The following TMEM98 variants were observed in gnomAD, a reference collection of about 807,000 sequenced individuals.
The protein encoded by TMEM98 is transmembrane protein 98.
Under a neutral mutation model 25.0 loss-of-function variants are expected in TMEM98, and 18 were observed. That is an observed-to-expected ratio of 0.72 (90% CI 0.50 to 1.07). TMEM98 has a LOEUF of 1.07. TMEM98 is among the 50% of genes least tolerant of loss of function. TMEM98 has a pLI of 0.00. For synonymous variants in TMEM98, 103 were observed against 112.4 expected (o/e 0.92, Z 0.53); for missense variants, 241 against 289.0 (o/e 0.83, Z 1.20).
chr17:32,939,427 A>AGT, intron 6 of TMEM98, 50 bp from the exon 7 acceptor site: 1 of 1,170,804 alleles, frequency 8.5e-7, no homozygotes, highest in Admixed American at 2.4e-5. Flanking sequence ...AAAAAAGGAG[A>AGT]AAAGGAGATC....
chr17:32,929,836 C>G (rs1017155110), intron 1 of TMEM98, among the ~76,000 whole-genome samples: 1 of 152,126 alleles, frequency 6.6e-6, no homozygotes, highest in African/African-American at 2.4e-5. Flanking sequence ...GTGTCAGTTC[C>G]CAGAAAGTGT....
rs751173055 is a variant in TMEM98 at position 32,933,280 on chromosome 17, A to T, written c.238A>T (p.Asn80Tyr). Residue 80 changes from asparagine (N) to tyrosine (Y), a missense_variant, in exon 4 of 8, where the codon AAT becomes TAT. By Grantham distance (143) the Asn-to-Tyr change is moderately radical (BLOSUM62 -2). Transcript: ENST00000579849. ...TNPHIEAILE[N>Y]EDWIEDASGL... ...CCCCCACATTGAGGCCATTCTGGAG[A>T]ATGAAGACTGGATCGAAGATGCCTC... is the stretch of plus-strand genomic sequence containing the variant. 3.1e-6 allele frequency: 5 copies of T among 1,614,140 alleles called. No homozygotes were observed. The highest frequency in any genetic ancestry group is 8.5e-7 in the Non-Finnish European group (1 of 1,180,020).
At chr17:32,939,353 G>C in intron 6 of TMEM98, 124 bp from the exon 7 acceptor site, 3 of 929,464 alleles carry the variant, frequency 3.2e-6, no homozygotes, top group Non-Finnish European at 4.9e-6. Context: ...GTTGCAGTGA[G>C]CTGAGATAGC....
At chr17:32,934,263 C>T in intron 4 of TMEM98, 28 bp from the exon 5 acceptor site, 1 of 1,613,932 alleles carries the variant, frequency 6.2e-7, no homozygotes, top group Non-Finnish European at 8.5e-7. Flanking sequence ...TCCAGATGAG[C>T]ACTGATGACT....
At position 32,943,407 on chromosome 17, in the gene TMEM98, C is replaced by G. The variant is rs1225262778; in HGVS notation, c.*2414C>G. The G allele has an allele frequency of 6.6e-6, 1 of 152,196 alleles. No individual in the cohort carries two copies. The highest frequency in any genetic ancestry group is 1.5e-5 in the Non-Finnish European group (1 of 68,066). The allele number at this position is 152,196 out of a possible 1,614,324, so 9.4% of individuals were successfully genotyped here. A position where few individuals can be genotyped will look rare whatever the true frequency, so the allele number is the denominator to read the frequency against. On this transcript the variant is annotated 3_prime_UTR_variant, in exon 8 of 8. Coordinates refer to ENST00000579849, the MANE Select transcript of TMEM98 (RefSeq NM_015544.3). ...TGAGTGCCAGGGATCTCAGGACTGT[C>G]TCTGTGCCAGGTGTGGTTTCCCAGG...
intron 6 of TMEM98, among the ~76,000 whole-genome samples, chr17:32,937,315 A>G (rs919638318): frequency 6.6e-6 from 1 of 152,192 alleles, no homozygotes; most frequent in Non-Finnish European, 1.5e-5. Context: ...TCTCTGCCTC[A>G]AGATTAACCA....
At position 32,931,636 on chromosome 17, in the gene TMEM98, C is replaced by G; in HGVS notation, c.108C>G (p.Asp36Glu). 1 of 1,605,752 alleles carries G rather than the reference C, an allele frequency of 6.2e-7. No individual in the cohort carries two copies. The change falls in exon 3 of 8, where the codon GAC (aspartate) becomes GAG (glutamate). Residue 36 changes from aspartate (D) to glutamate (E), a missense_variant. By Grantham distance (45) the Asp-to-Glu change is conservative. Coordinates refer to ENST00000579849, the MANE Select transcript of TMEM98 (RefSeq NM_015544.3). ...GGCAGCGCTACTGCCGGCCGCGAGA[C>G]CTGCTGCAGCGCTATGATTCTAAGT... ...VCRQRYCRPR[D>E]LLQRYDSKPI...
chr17:32,929,518 A>G (rs544782881), intron 1 of TMEM98, among the ~76,000 whole-genome samples: 7 of 152,256 alleles, frequency 4.6e-5, no homozygotes, highest in East Asian at 3.9e-4. Flanking sequence ...CAGAAAACAC[A>G]AAGGCCAAAA....
At position 32,941,949 on chromosome 17, in the gene TMEM98, G is replaced by A. The variant is rs899181506; in HGVS notation, c.*956G>A. 8 of 152,278 alleles carry A rather than the reference G, an allele frequency of 5.3e-5. 1 individual carries two copies. Among genetic ancestry groups the A allele is most frequent in the Admixed American group, 5.2e-4 (8 of 15,286 alleles). 9.4% of individuals were successfully genotyped at this position (152,278 alleles called of 1,614,324 possible). ...TGCGGCTGCTTGGTAGGCTGAGGTGGGAGGATCGCTTGAGCCCAGGAGGTG... is the reference window on the plus strand; with the variant it reads ...TGCGGCTGCTTGGTAGGCTGAGGTGAGAGGATCGCTTGAGCCCAGGAGGTG... On this transcript the variant is annotated 3_prime_UTR_variant, in exon 8 of 8. Transcript: ENST00000579849.
intron 6 of TMEM98, 99 bp downstream of exon 6, chr17:32,936,546 G>C: frequency 1.0e-6 from 1 of 977,926 alleles, no homozygotes; most frequent in East Asian, 2.4e-5. Flanking sequence ...ATAAAATGGT[G>C]CACAGGCAAC....
Position 32,934,381 on chromosome 17 carries a change from G to A in TMEM98, c.297+57G>A, listed in dbSNP as rs185264332. The A allele has an allele frequency of 2.3e-5, 37 of 1,593,014 alleles. No homozygotes were observed. In the South Asian group the frequency reaches 2.9e-4, roughly 12 times the overall value. ...GGGTAGTCGAAAAGCACCACTGTGC[G>A]TGGATGGAGTAGAACGGGACCTTAG... is the stretch of plus-strand genomic sequence containing the variant. On this transcript the variant is annotated intron_variant, in intron 5 of 7. Coordinates refer to ENST00000579849, the MANE Select transcript of TMEM98 (RefSeq NM_015544.3).
At chr17:32,939,600 T>C in intron 7 of TMEM98, 64 bp downstream of exon 7, 2 of 1,596,732 alleles carry the variant, frequency 1.3e-6, no homozygotes, top group Admixed American at 3.3e-5. Flanking sequence ...TTTTATCAGA[T>C]CTGTGAGGCT....
Position 32,939,478 on chromosome 17 carries a change from G to T in TMEM98, c.415G>T (p.Val139Leu), listed in dbSNP as rs758327656. Residue 139 changes from valine (V) to leucine (L), a missense_variant and splice_region_variant, in exon 7 of 8, where the codon GTG becomes TTG. Val to Leu is a conservative substitution (Grantham distance 32, BLOSUM62 1). Transcript: ENST00000579849. ...IVVAKRISPR[V>L]DDVVKSMYPP... is the part of the protein sequence containing the mutation. ...TGAACACCTTTTGCCTCCGGTCAGG[G>T]TGGATGATGTTGTGAAGTCGATGTA... 6.2e-7 allele frequency: 1 copy of T among 1,613,752 alleles called. No homozygotes were observed. The highest frequency in any genetic ancestry group is 1.3e-5 in the African/African-American group (1 of 74,850).
At position 32,931,396 on chromosome 17, in the gene TMEM98, C is replaced by A; in HGVS notation, c.-61C>A. On this transcript the variant is annotated 5_prime_UTR_variant, in exon 2 of 8. Transcript: ENST00000579849. Reference sequence around the variant, plus strand: ...CATCCTCTTCCCCAATTTGCCACTTCCAGCAGGTAAGACCCACCTGTCCCA... The same window carrying A: ...CATCCTCTTCCCCAATTTGCCACTTACAGCAGGTAAGACCCACCTGTCCCA... 1.5e-6 allele frequency: 2 copies of A among 1,297,604 alleles called. No homozygotes were observed. The highest frequency in any genetic ancestry group is 2.6e-5 in the East Asian group (1 of 38,454). The allele number at this position is 1,297,604 out of a possible 1,614,324, so 80.4% of individuals were successfully genotyped here.
At position 32,942,123 on chromosome 17, in the gene TMEM98, C is replaced by G. The variant is rs2091534256; in HGVS notation, c.*1130C>G. ...TGAAGATAGCACTATGAAGTAGTTTCCACATTAACAATAGCAATGACTTGA... is the reference window on the plus strand; with the variant it reads ...TGAAGATAGCACTATGAAGTAGTTTGCACATTAACAATAGCAATGACTTGA... On this transcript the variant is annotated 3_prime_UTR_variant, in exon 8 of 8. Coordinates refer to ENST00000579849, the MANE Select transcript of TMEM98 (RefSeq NM_015544.3). 6.6e-6 allele frequency: 1 copy of G among 152,158 alleles called. No homozygotes were observed. Among genetic ancestry groups the G allele is most frequent in the African/African-American group, 2.4e-5 (1 of 41,438 alleles). 9.4% of individuals were successfully genotyped at this position (152,158 alleles called of 1,614,324 possible).
chr17:32,942,050 A>G lies in TMEM98; in HGVS notation c.*1057A>G, dbSNP rs939181594. 6.6e-6 allele frequency: 1 copy of G among 152,190 alleles called. No individual in the cohort carries two copies. Among genetic ancestry groups the G allele is most frequent in the Admixed American group, 6.5e-5 (1 of 15,280 alleles). 9.4% of individuals were successfully genotyped at this position (152,190 alleles called of 1,614,324 possible). A position where few individuals can be genotyped will look rare whatever the true frequency, so the allele number is the denominator to read the frequency against. ...GAGTGAGACCATGTCTCCAAAACATACATATATATAAAATATATTTAAAGA... is the reference window on the plus strand; with the variant it reads ...GAGTGAGACCATGTCTCCAAAACATGCATATATATAAAATATATTTAAAGA... On this transcript the variant is annotated 3_prime_UTR_variant, in exon 8 of 8. Coordinates refer to ENST00000579849, the MANE Select transcript of TMEM98 (RefSeq NM_015544.3).
rs1287192182 is a variant in TMEM98 at position 32,931,338 on chromosome 17, T to C, written c.-119T>C. On this transcript the variant is annotated 5_prime_UTR_variant, in exon 2 of 8. Coordinates refer to ENST00000579849, the MANE Select transcript of TMEM98 (RefSeq NM_015544.3). Reference sequence around the variant, plus strand: ...TTGGTTCTCTTCAGGCCCTCAGGTCTCTGCAGGTGTCGTGGAGGAACCTAG... The same window carrying C: ...TTGGTTCTCTTCAGGCCCTCAGGTCCCTGCAGGTGTCGTGGAGGAACCTAG... The C allele has an allele frequency of 1.6e-6, 1 of 616,576 alleles. No individual in the cohort carries two copies. The highest frequency in any genetic ancestry group is 2.6e-6 in the Non-Finnish European group (1 of 378,110). The allele number at this position is 616,576 out of a possible 1,614,324, so 38.2% of individuals were successfully genotyped here. A position where few individuals can be genotyped will look rare whatever the true frequency, so the allele number is the denominator to read the frequency against.
intron 1 of TMEM98, among the ~76,000 whole-genome samples, chr17:32,928,775 CAT>C (rs2091447187): frequency 6.8e-6 from 1 of 147,576 alleles, no homozygotes; most frequent in African/African-American, 2.6e-5. Flanking sequence ...CACTAAGAAA[CAT>C]TCAGTTCACA....
At chr17:32,934,372 C>T (rs760272938) in intron 5 of TMEM98, 48 bp downstream of exon 5, 4 of 1,605,568 alleles carry the variant, frequency 2.5e-6, no homozygotes, top group Non-Finnish European at 3.4e-6. Context: ...TCGAAAAGCA[C>T]CACTGTGCGT....
Sources: allele counts gnomAD v4.1 joint callset (sites outside exome capture counted in the v4.1 genomes callset), GRCh38; gene constraint gnomAD v4.1.1; transcripts MANE v1.5; gene names NCBI Gene and HGNC (gene_info 2026-07-23, HGNC 2026-07-21).